The following COL6A6 variants were observed in gnomAD, a reference collection of about 807,000 sequenced individuals.
COL6A6 encodes the protein collagen type VI alpha 6 chain, also known as collagen alpha-6(VI) chain.
COL6A6 carries 183 observed loss-of-function variants against 208.6 expected under a neutral mutation model. The ratio of observed to expected loss-of-function variants is 0.88; its 90% CI spans 0.78 to 0.99. The LOEUF (loss-of-function observed/expected upper bound fraction) is 0.99. Among genes scored for constraint, COL6A6 ranks in the 50% least tolerant of loss-of-function variants. The probability of loss-of-function intolerance (pLI) is 0.00; values close to 1 mark genes in which losing one functional copy is unlikely to be tolerated. For missense variants in COL6A6, 2,816 were observed against 2,815.2 expected (o/e 1.00, Z -0.01); for synonymous variants, 973 against 1,011.8 (o/e 0.96, Z 0.73).
chr3:130,663,236 G>A (rs2065982957), intron 35 of COL6A6, among the ~76,000 whole-genome samples: 1 of 152,038 alleles, frequency 6.6e-6, no homozygotes, highest in Non-Finnish European at 1.5e-5. Context: ...TTGTTGTTGG[G>A]GCTGATAGTA....
rs187088838 is a variant in COL6A6 at position 130,553,985 on chromosome 3, T to G, written c.-31-6349T>G. On this transcript the variant is annotated intron_variant, in intron 1 of 36. Coordinates refer to ENST00000358511, the MANE Select transcript of COL6A6 (RefSeq NM_001102608.3). ...AGGGGGCCAAGCCCCAGCTTAGCACTGCTGGACTGCATGCTCTAACTCTGT... is the reference window on the plus strand; with the variant it reads ...AGGGGGCCAAGCCCCAGCTTAGCACGGCTGGACTGCATGCTCTAACTCTGT... Among the ~76,000 whole-genome samples, 3 of 152,230 alleles carry G rather than the reference T, an allele frequency of 2.0e-5. No homozygotes were observed. The South Asian group carries it at 6.2e-4, about 31-fold the overall frequency.
In COL6A6 at chr3:130,565,233, C is replaced by G. The variant is rs529812677; in HGVS notation, c.901C>G (p.Pro301Ala). The change falls in exon 4 of 37, where the codon CCC becomes GCC. Residue 301 changes from proline (P) to alanine (A), a missense_variant. By Grantham distance (27) the Pro-to-Ala change is conservative. Coordinates refer to ENST00000358511, the MANE Select transcript of COL6A6 (RefSeq NM_001102608.3). ...TCTCCAGCATATACAGAACCTTTCT[C>G]CCCGAACTGGGAAGGCCTATACTGG... ...EVLQHIQNLS[P>A]RTGKAYTGAA... is the part of the protein sequence containing the mutation. 3.7e-6 allele frequency: 6 copies of G among 1,613,890 alleles called. No individual in the cohort carries two copies. The highest frequency in any genetic ancestry group is 5.1e-6 in the Non-Finnish European group (6 of 1,179,892).
chr3:130,564,006 G>A (rs926577678), intron 3 of COL6A6, among the ~76,000 whole-genome samples: 2 of 152,204 alleles, frequency 1.3e-5, no homozygotes, highest in African/African-American at 2.4e-5. Flanking sequence ...GAAAAGGTAA[G>A]TTTGCTTCTA....
In COL6A6 at chr3:130,660,161, G is replaced by A. The variant is rs897314161; in HGVS notation, c.5830+1389G>A. Among the ~76,000 whole-genome samples, 28 of 152,262 alleles carry A rather than the reference G, an allele frequency of 1.8e-4. 1 individual carries two copies. The highest frequency in any genetic ancestry group is 1.1e-3 in the Admixed American group (17 of 15,300). ...ATTTCTTGGCTTAAACCCTTGTTTT[G>A]TCTCTTAGGCATATAATAAAAGAGA... On this transcript the variant is annotated intron_variant, in intron 34 of 36. Coordinates refer to ENST00000358511, the MANE Select transcript of COL6A6 (RefSeq NM_001102608.3).
chr3:130,577,162 A>G (rs751196220), intron 8 of COL6A6, among the ~76,000 whole-genome samples: 17 of 152,306 alleles, frequency 1.1e-4, no homozygotes, highest in African/African-American at 3.4e-4. Context: ...ATCTCACTCA[A>G]TTCTCCCAAC....
chr3:130,574,341 C>T lies in COL6A6; in HGVS notation c.3363C>T (p.Ala1121=), dbSNP rs769958054. Residue 1121 remains alanine (A), a synonymous_variant, in exon 8 of 37, where the codon GCC becomes GCT. Transcript: ENST00000358511. ...DGQSQDEVAQ[A]AEALRHRGID... ...AGTCCCAAGACGAGGTGGCCCAGGC[C>T]GCGGAAGCCCTGAGACACAGAGGTA... The T allele has an allele frequency of 1.4e-5, 22 of 1,613,842 alleles. No homozygotes were observed. The highest frequency in any genetic ancestry group is 1.1e-4 in the East Asian group (5 of 44,882).
chr3:130,561,944 G>A (rs80129672), intron 2 of COL6A6, among the ~76,000 whole-genome samples: 8,286 of 152,172 alleles, frequency 0.054, 776 homozygotes, highest in African/African-American at 0.19. Context: ...GAGCCACCGC[G>A]CCCGGCTGAA....
At chr3:130,653,890 T>C (rs1467307127) in intron 33 of COL6A6, among the ~76,000 whole-genome samples, 2 of 152,162 alleles carry the variant, frequency 1.3e-5, no homozygotes, top group African/African-American at 4.8e-5. Flanking sequence ...AACAACTCAC[T>C]AGAATCAATG....
intron 1 of COL6A6, among the ~76,000 whole-genome samples, chr3:130,528,551 C>T (rs376271287): frequency 3.3e-5 from 5 of 152,094 alleles, no homozygotes; most frequent in East Asian, 3.9e-4. Flanking sequence ...TAAATGCAGC[C>T]GTAGATAGTA....
intron 1 of COL6A6, among the ~76,000 whole-genome samples, chr3:130,547,826 C>T (rs186239454): frequency 3.2e-3 from 493 of 152,326 alleles, no homozygotes; most frequent in Non-Finnish European, 5.8e-3. Flanking sequence ...GAGAGGGAGT[C>T]TCGCTCTGTC....
chr3:130,593,233 AG>A lies in COL6A6; in HGVS notation c.4454del (p.Gly1485GlufsTer36). On this transcript the variant is annotated frameshift_variant, in exon 17 of 37. Transcript: ENST00000358511. LOFTEE classifies it high-confidence loss of function. ...DNGLPGRKGE[K>X]GDEGSQGSPG... ...GGTCTTCCTGGAAGAAAAGGAGAAA[AG>A]GGAGATGAGGGATCTCAGGTAGGGA... 1 of 1,612,332 alleles carries A rather than the reference AG, an allele frequency of 6.2e-7. No homozygotes were observed. The highest frequency in any genetic ancestry group is 1.1e-5 in the South Asian group (1 of 91,050).
In COL6A6 at chr3:130,594,332, C is replaced by A. The variant is rs369804734; in HGVS notation, c.4522C>A (p.Arg1508=). The part of the protein sequence containing the change: ...TPGDRGAKGL[R]GDPGAPGVDS... ...TGGTGACCGTGGAGCAAAGGGCCTG[C>A]GAGGGGATCCCGTAAGTGCACGGGC... is the stretch of plus-strand genomic sequence containing the variant. The change falls in exon 18 of 37, where the codon CGA becomes AGA. Residue 1508 remains arginine (R), a synonymous_variant. Transcript: ENST00000358511. 8 of 1,612,994 alleles carry A rather than the reference C, an allele frequency of 5.0e-6. No individual in the cohort carries two copies. Among genetic ancestry groups the A allele is most frequent in the Non-Finnish European group, 6.8e-6 (8 of 1,179,414 alleles).
At chr3:130,531,849 C>T (rs2062104329) in intron 1 of COL6A6, among the ~76,000 whole-genome samples, 1 of 152,062 alleles carries the variant, frequency 6.6e-6, no homozygotes, top group Admixed American at 6.5e-5. Context: ...CAGAGTCTAC[C>T]TCATAGAGTG....
chr3:130,563,606 C>T lies in COL6A6; in HGVS notation c.603C>T (p.His201=). The change falls in exon 3 of 37, where the codon CAC becomes CAT. Residue 201 remains histidine, a synonymous_variant. Transcript: ENST00000358511. ...GCATGTTTTCCCAAAACATGACACA[C>T]ATCATCAAGGATGTAATAAAGTACA... ...DLSMFSQNMT[H]IIKDVIKYKE... is the part of the protein sequence containing the mutation. 1.2e-6 allele frequency: 2 copies of T among 1,613,970 alleles called. No individual in the cohort carries two copies. The highest frequency in any genetic ancestry group is 1.7e-6 in the Non-Finnish European group (2 of 1,179,858).
chr3:130,600,675 G>C (rs920122301), intron 20 of COL6A6, among the ~76,000 whole-genome samples: 1 of 152,110 alleles, frequency 6.6e-6, no homozygotes, highest in Non-Finnish European at 1.5e-5. Flanking sequence ...GAGAACACAT[G>C]GACACAGGGG....
rs753977264 is a variant in COL6A6, at chr3:130,574,487, G to T, written c.3509G>T (p.Arg1170Met). 4 of 1,613,994 alleles carry T rather than the reference G, an allele frequency of 2.5e-6. No individual in the cohort carries two copies. The highest frequency in any genetic ancestry group is 3.4e-6 in the Non-Finnish European group (4 of 1,179,904). The change falls in exon 8 of 37, where the codon AGG becomes ATG. Residue 1170 changes from arginine (R) to methionine (M), a missense_variant. By Grantham distance (91) the Arg-to-Met change is moderately conservative. Transcript: ENST00000358511. ...NFDELKKVNK[R>M]IVRNICTTAG... ...GATGAACTGAAGAAGGTCAATAAAA[G>T]GATCGTTCGCAACATCTGTACCACA...
At chr3:130,624,839 C>A (rs1459309256) in intron 24 of COL6A6, among the ~76,000 whole-genome samples, 1 of 152,134 alleles carries the variant, frequency 6.6e-6, no homozygotes, top group Non-Finnish European at 1.5e-5. Flanking sequence ...ACTCATGATT[C>A]ACTGAGATAA....
At chr3:130,657,917 T>C (rs1040225888) in intron 33 of COL6A6, among the ~76,000 whole-genome samples, 3 of 152,216 alleles carry the variant, frequency 2.0e-5, no homozygotes, top group Non-Finnish European at 4.4e-5. Flanking sequence ...AGTTTTTCTT[T>C]AATTATCAAT....
intron 33 of COL6A6, among the ~76,000 whole-genome samples, chr3:130,656,210 T>A (rs1428687573): frequency 6.6e-6 from 1 of 152,242 alleles, no homozygotes; most frequent in Non-Finnish European, 1.5e-5. Flanking sequence ...GTTTCAGCCC[T>A]GTGTGTGTTA....
Sources: allele counts gnomAD v4.1 joint callset (sites outside exome capture counted in the v4.1 genomes callset), GRCh38; gene constraint gnomAD v4.1.1; transcripts MANE v1.5; gene names NCBI Gene and HGNC (gene_info 2026-07-23, HGNC 2026-07-21).